TRPC6: variants seen among roughly 807,000 people sequenced by gnomAD.
The protein encoded by TRPC6 is short transient receptor potential channel 6.
A neutral mutation model predicts 90.7 loss-of-function variants in TRPC6; 55 were observed. The observed-to-expected ratio is 0.61, with a 90% CI of 0.49 to 0.76. The LOEUF is 0.76. Ranked by LOEUF, TRPC6 falls within the 30% of genes least tolerant of loss-of-function variation. The probability of loss-of-function intolerance (pLI) is 0.00; values close to 1 mark genes in which losing one functional copy is unlikely to be tolerated. For missense variants in TRPC6, 989 were observed against 1,122.7 expected (o/e 0.88, Z 1.70); for synonymous variants, 393 against 393.0 (o/e 1.00, Z 0.00).
chr11:101,564,380 A>C (rs1161114682), intron 1 of TRPC6, among the ~76,000 whole-genome samples: 1 of 152,172 alleles, frequency 6.6e-6, no homozygotes, highest in Admixed American at 6.6e-5. Flanking sequence ...GGAATTTTTG[A>C]GCTTTACTAT....
At chr11:101,488,271 C>A (rs939282764) in intron 4 of TRPC6, among the ~76,000 whole-genome samples, 3 of 152,190 alleles carry the variant, frequency 2.0e-5, no homozygotes, top group Non-Finnish European at 2.9e-5. Context: ...CCTATCCTGT[C>A]ACACTAATGA....
chr11:101,494,536 G>A (rs1859899222), intron 2 of TRPC6, among the ~76,000 whole-genome samples: 1 of 152,112 alleles, frequency 6.6e-6, no homozygotes, highest in Admixed American at 6.6e-5. Context: ...AACGCACCTG[G>A]CTTCTCTTGA....
intron 1 of TRPC6, among the ~76,000 whole-genome samples, chr11:101,506,923 T>C (rs1321429187): frequency 6.6e-6 from 1 of 151,928 alleles, no homozygotes. Context: ...TTTGGTTATA[T>C]TGTTACTTCT....
At chr11:101,466,985 A>C (rs985811872) in intron 10 of TRPC6, among the ~76,000 whole-genome samples, 3 of 152,014 alleles carry the variant, frequency 2.0e-5, no homozygotes, top group African/African-American at 7.3e-5. Context: ...GAAATTCCCC[A>C]ACCCCTTGCG....
chr11:101,457,438 A>G (rs1858909725), intron 10 of TRPC6, among the ~76,000 whole-genome samples: 1 of 152,244 alleles, frequency 6.6e-6, no homozygotes, highest in Non-Finnish European at 1.5e-5. Context: ...TTCGTTAAAA[A>G]GAACAAGTAA....
chr11:101,567,337 G>A (rs1861859560), intron 1 of TRPC6, among the ~76,000 whole-genome samples: 1 of 115,146 alleles, frequency 8.7e-6, no homozygotes, highest in Non-Finnish European at 2.0e-5. Flanking sequence ...TCCCTGGGCA[G>A]GGCATCTCTG....
At chr11:101,566,782 G>A (rs183029673) in intron 1 of TRPC6, among the ~76,000 whole-genome samples, 13 of 152,248 alleles carry the variant, frequency 8.5e-5, no homozygotes, top group African/African-American at 3.1e-4. Context: ...GCAAGGGGTC[G>A]GGGAACTCCC....
intron 5 of TRPC6, among the ~76,000 whole-genome samples, chr11:101,480,139 T>C (rs1163898523): frequency 1.3e-5 from 2 of 152,042 alleles, no homozygotes; most frequent in African/African-American, 4.8e-5. Context: ...GATCGCGCCA[T>C]TGCACTCCAG....
chr11:101,470,973 G>A (rs1335069620), intron 9 of TRPC6, among the ~76,000 whole-genome samples: 2 of 151,998 alleles, frequency 1.3e-5, no homozygotes, highest in Non-Finnish European at 2.9e-5. Context: ...TATATTTCAT[G>A]AATTTTTCTT....
chr11:101,476,272 T>A, intron 6 of TRPC6, 29 bp downstream of exon 6: 4 of 1,593,786 alleles, frequency 2.5e-6, no homozygotes, highest in Non-Finnish European at 3.4e-6. Context: ...TCTGCATTTT[T>A]ATTTATATTG....
intron 1 of TRPC6, among the ~76,000 whole-genome samples, chr11:101,577,983 C>A (rs1051710292): frequency 7.3e-6 from 1 of 136,416 alleles, no homozygotes; most frequent in African/African-American, 2.6e-5. Flanking sequence ...CCCAACTTAG[C>A]TGATCCAGAT....
At chr11:101,580,888 A>G in intron 1 of TRPC6, among the ~76,000 whole-genome samples, 1 of 152,204 alleles carries the variant, frequency 6.6e-6, no homozygotes, top group East Asian at 1.9e-4. Flanking sequence ...GTTGATTTCT[A>G]CTCTACCAGA....
chr11:101,576,090 C>A (rs1862063991), intron 1 of TRPC6, among the ~76,000 whole-genome samples: 1 of 152,176 alleles, frequency 6.6e-6, no homozygotes, highest in African/African-American at 2.4e-5. Flanking sequence ...CACTTGACAA[C>A]AACCTACTGG....
chr11:101,477,072 C>G (rs900887333), intron 5 of TRPC6, among the ~76,000 whole-genome samples: 1 of 151,970 alleles, frequency 6.6e-6, no homozygotes, highest in Non-Finnish European at 1.5e-5. Context: ...CGGCTGCTCT[C>G]AGCCAATTAC....
At chr11:101,499,216 T>C (rs1860028021) in intron 2 of TRPC6, among the ~76,000 whole-genome samples, 1 of 152,158 alleles carries the variant, frequency 6.6e-6, no homozygotes, top group South Asian at 2.1e-4. Context: ...TTATTCTTAA[T>C]ATCTTTCAGA....
chr11:101,562,339 AT>A (rs1335193643), intron 1 of TRPC6, among the ~76,000 whole-genome samples: 4 of 150,436 alleles, frequency 2.7e-5, no homozygotes, highest in African/African-American at 1.0e-4. Context: ...TTAGTATATA[AT>A]TTAGTTAACT....
At chr11:101,516,127 A>T (rs1174997671) in intron 1 of TRPC6, among the ~76,000 whole-genome samples, 1 of 150,734 alleles carries the variant, frequency 6.6e-6, no homozygotes, top group South Asian at 2.1e-4. Context: ...AAAAAAGCAG[A>T]GTTTCAATAT....
At chr11:101,553,109 A>C (rs916010803) in intron 1 of TRPC6, among the ~76,000 whole-genome samples, 1 of 152,126 alleles carries the variant, frequency 6.6e-6, no homozygotes, top group Non-Finnish European at 1.5e-5. Context: ...GAAGTAAGAT[A>C]GGTGATGTAA....
chr11:101,524,522 A>G (rs4492783), intron 1 of TRPC6, among the ~76,000 whole-genome samples: 25,305 of 152,248 alleles, frequency 0.17, 2,325 homozygotes, highest in African/African-American at 0.23. Flanking sequence ...GTGTACAGGC[A>G]TGAGCCACTG....
Sources: gnomAD v4.1 joint callset for allele counts (sites outside exome capture counted in the v4.1 genomes callset) on GRCh38, gnomAD v4.1.1 for gene constraint, MANE v1.5 for transcripts, NCBI Gene and HGNC (gene_info 2026-07-23, HGNC 2026-07-21) for gene names.